The following FMN1 variants were observed in gnomAD, a reference collection of about 807,000 sequenced individuals.
The protein encoded by FMN1 is formin 1, also known as formin-1.
In FMN1, 110 loss-of-function variants were observed where a neutral mutation model predicts 132.4. The ratio of observed to expected loss-of-function variants is 0.83; its 90% confidence interval spans 0.71 to 0.97. FMN1 has a LOEUF of 0.97. Among genes scored for constraint, FMN1 ranks in the 50% least tolerant of loss-of-function variants. The pLI, the probability that FMN1 is intolerant of heterozygous loss-of-function variation, is 0.00. For synonymous variants in FMN1, 722 were observed against 651.7 expected, an observed-to-expected ratio of 1.11 and a Z score of -1.64; for missense variants, 1,792 against 1,705.3, an observed-to-expected ratio of 1.05 and a Z score of -0.90.
Position 32,805,365 on chromosome 15 carries a change from T to A in FMN1, c.3929-1033A>T, listed in dbSNP as rs78202566. ...CTTTTCGATGGGGTTGTTTTTTTCT[T>A]GTAAATTTGTTTTTCTTTGTGGATT... On this transcript the variant is annotated intron_variant, in intron 17 of 20. Transcript: ENST00000616417. 6.5e-3 allele frequency among the ~76,000 whole-genome samples: 983 copies of A among 152,334 alleles called. 12 individuals carry two copies. The highest frequency in any genetic ancestry group is 0.022 in the African/African-American group (932 of 41,580).
chr15:32,789,039 G>T (rs984485625), intron 19 of FMN1, among the ~76,000 whole-genome samples: 5 of 152,136 alleles, frequency 3.3e-5, no homozygotes, highest in African/African-American at 4.8e-5. Context: ...TCTATCAGCA[G>T]CAGACAGCAA....
At chr15:32,948,746 C>A (rs79895324) in intron 9 of FMN1, among the ~76,000 whole-genome samples, 1 of 151,836 alleles carries the variant, frequency 6.6e-6, no homozygotes, top group Non-Finnish European at 1.5e-5. Flanking sequence ...TTGTTTTGCT[C>A]AATCTTGCAA....
chr15:33,013,921 C>T (rs1255979957), intron 6 of FMN1, among the ~76,000 whole-genome samples: 2 of 152,140 alleles, frequency 1.3e-5, no homozygotes, highest in Non-Finnish European at 2.9e-5. Context: ...GTAAATTGTA[C>T]CTATATGGGT....
At chr15:32,835,733 A>C (rs1009978220) in intron 17 of FMN1, among the ~76,000 whole-genome samples, 2 of 152,324 alleles carry the variant, frequency 1.3e-5, no homozygotes, top group African/African-American at 2.4e-5. Flanking sequence ...GAAGATTCCC[A>C]GTGGTAAATG....
At chr15:32,966,125 A>T (rs11858526) in intron 8 of FMN1, among the ~76,000 whole-genome samples, 40,538 of 151,670 alleles carry the variant, frequency 0.27, 6,546 homozygotes, top group African/African-American at 0.46. Context: ...AGTGATGCAG[A>T]GTGTCAGGCC....
At chr15:33,112,045 G>A (rs776608541) in intron 4 of FMN1, among the ~76,000 whole-genome samples, 2 of 152,108 alleles carry the variant, frequency 1.3e-5, no homozygotes, top group Non-Finnish European at 2.9e-5. Context: ...GAACTGTAGT[G>A]TTAACAAAGT....
intron 15 of FMN1, among the ~76,000 whole-genome samples, chr15:32,894,754 G>T (rs143167329): frequency 6.7e-6 from 1 of 148,698 alleles, no homozygotes; most frequent in African/African-American, 2.5e-5. Flanking sequence ...TGTTCATTAT[G>T]TTTAGTAATG....
intron 17 of FMN1, among the ~76,000 whole-genome samples, chr15:32,809,574 G>A (rs994107382): frequency 6.6e-6 from 1 of 151,940 alleles, no homozygotes; most frequent in Non-Finnish European, 1.5e-5. Flanking sequence ...CTTTATTTTT[G>A]GGCACTTTGC....
At chr15:32,811,736 C>T (rs1209731059) in intron 17 of FMN1, among the ~76,000 whole-genome samples, 1 of 151,706 alleles carries the variant, frequency 6.6e-6, no homozygotes, top group Non-Finnish European at 1.5e-5. Flanking sequence ...GCGATCTCGG[C>T]TCACTGCAAC....
chr15:32,927,904 G>C (rs1235746015), intron 9 of FMN1, among the ~76,000 whole-genome samples: 1 of 152,154 alleles, frequency 6.6e-6, no homozygotes, highest in African/African-American at 2.4e-5. Flanking sequence ...TTACAGAATT[G>C]CCAAACTACT....
At chr15:33,000,445 T>C (rs1260740563) in intron 7 of FMN1, among the ~76,000 whole-genome samples, 2 of 91,954 alleles carry the variant, frequency 2.2e-5, no homozygotes, top group Non-Finnish European at 2.3e-5. Context: ...CCAGACTCCA[T>C]CTCAGGAAAA....
chr15:33,142,298 T>C (rs994528830), intron 4 of FMN1, among the ~76,000 whole-genome samples: 15 of 152,224 alleles, frequency 9.9e-5, no homozygotes, highest in African/African-American at 3.6e-4. Flanking sequence ...CCTGATGTCC[T>C]TTACCTGTAA....
intron 5 of FMN1, among the ~76,000 whole-genome samples, chr15:33,066,092 A>T (rs1374871930): frequency 2.0e-5 from 3 of 152,162 alleles, no homozygotes; most frequent in Admixed American, 1.3e-4. Context: ...CCACAAACAC[A>T]TATTTTGTCA....
intron 17 of FMN1, among the ~76,000 whole-genome samples, chr15:32,846,019 G>A (rs1033351824): frequency 3.3e-5 from 5 of 151,246 alleles, no homozygotes; most frequent in African/African-American, 9.7e-5. Context: ...GAAAGGTTAA[G>A]TGGTGAACCC....
intron 10 of FMN1, among the ~76,000 whole-genome samples, chr15:32,913,304 A>G (rs1040679564): frequency 1.3e-5 from 2 of 152,138 alleles, no homozygotes; most frequent in Non-Finnish European, 2.9e-5. Flanking sequence ...TCATCAATCC[A>G]TCCTTCATTG....
chr15:33,015,000 G>T (rs71462835), intron 6 of FMN1, among the ~76,000 whole-genome samples: 35,018 of 152,110 alleles, frequency 0.23, 4,044 homozygotes, highest in South Asian at 0.26. Context: ...ACATCAAATT[G>T]AAAAGGTAGA....
At chr15:33,125,665 C>T (rs1382271749) in intron 4 of FMN1, among the ~76,000 whole-genome samples, 1 of 151,300 alleles carries the variant, frequency 6.6e-6, no homozygotes, top group African/African-American at 2.4e-5. Flanking sequence ...CATGGTGAAA[C>T]CTCGTCTCTA....
chr15:33,060,384 T>C (rs769129025), intron 6 of FMN1, among the ~76,000 whole-genome samples: 5 of 152,162 alleles, frequency 3.3e-5, no homozygotes, highest in Non-Finnish European at 7.4e-5. Context: ...ACCTGACTTA[T>C]CAGGAAGGGT....
chr15:33,054,939 T>C (rs1280758784), intron 6 of FMN1, among the ~76,000 whole-genome samples: 1 of 152,142 alleles, frequency 6.6e-6, no homozygotes, highest in Non-Finnish European at 1.5e-5. Flanking sequence ...AGAGTTATAG[T>C]TGTAAACCAA....
Sources: allele counts gnomAD v4.1 joint callset (sites outside exome capture counted in the v4.1 genomes callset), GRCh38; gene constraint gnomAD v4.1.1; transcripts MANE v1.5; gene names NCBI Gene and HGNC (gene_info 2026-07-23, HGNC 2026-07-21).